Variants in IQCH observed in about 807,000 individuals in gnomAD.
IQCH encodes the protein IQ domain-containing protein H.
IQCH carries 98 observed loss-of-function variants against 117.0 expected under a neutral mutation model. The ratio of observed to expected loss-of-function variants is 0.84; its 90% CI spans 0.71 to 0.99. IQCH has a LOEUF of 0.99. Ranked by LOEUF, IQCH falls within the 50% of genes least tolerant of loss-of-function variation. IQCH has a pLI of 0.00. For synonymous variants in IQCH, 412 were observed against 448.2 expected (o/e 0.92, Z 1.02); for missense variants, 1,102 against 1,243.8 (o/e 0.89, Z 1.72).
At position 67,491,221 on chromosome 15, in the gene IQCH, A is replaced by G. The variant is rs1285938739; in HGVS notation, c.2861+1157A>G. Among the ~76,000 whole-genome samples the G allele has an allele frequency of 6.6e-6, 1 of 151,912 alleles. No individual in the cohort carries two copies. The highest frequency in any genetic ancestry group is 2.4e-5 in the African/African-American group (1 of 41,346). On this transcript the variant is annotated intron_variant, in intron 19 of 20. Coordinates refer to ENST00000335894, the MANE Select transcript of IQCH (RefSeq NM_001031715.3). This position sits in a 1 kb window ranked among gnomAD's most constrained non-coding sequence, Gnocchi z 4.9. Reference sequence around the variant, plus strand: ...TCCCCAACCTCCCCTACACCCTACTATGGTCAGTCTCCCGGAAACTGATCC... The same window carrying G: ...TCCCCAACCTCCCCTACACCCTACTGTGGTCAGTCTCCCGGAAACTGATCC...
chr15:67,478,370 G>A (rs2083258145), intron 18 of IQCH, among the ~76,000 whole-genome samples: 1 of 151,836 alleles, frequency 6.6e-6, no homozygotes, highest in Non-Finnish European at 1.5e-5. Context: ...GGGCCACAGA[G>A]CGAGACTCTG....
At chr15:67,341,104 C>G (rs990905084) in intron 5 of IQCH, among the ~76,000 whole-genome samples, 1 of 152,036 alleles carries the variant, frequency 6.6e-6, no homozygotes, top group African/African-American at 2.4e-5. Flanking sequence ...CCCAGCTACT[C>G]AGAAGGCTGA....
Position 67,430,748 on chromosome 15 carries a change from A to C in IQCH, c.2505+9171A>C, listed in dbSNP as rs914138057. On this transcript the variant is annotated intron_variant, in intron 16 of 20. Transcript: ENST00000335894. This position sits in a 1 kb window ranked among gnomAD's most constrained non-coding sequence, Gnocchi z 5.1. ...AAAAACAAGTGTTTATTGAGCATCT[A>C]TTATGTATAAGCCATAATGCTAGGT... 6.6e-6 allele frequency among the ~76,000 whole-genome samples: 1 copy of C among 152,230 alleles called. No individual in the cohort carries two copies. Among genetic ancestry groups the C allele is most frequent in the Non-Finnish European group, 1.5e-5 (1 of 68,042 alleles).
rs2082664052 is a variant in IQCH, at chr15:67,456,677, T to A, written c.2506-8450T>A. On this transcript the variant is annotated intron_variant, in intron 16 of 20. Coordinates refer to ENST00000335894, the MANE Select transcript of IQCH (RefSeq NM_001031715.3). This position sits in a 1 kb window ranked among gnomAD's most constrained non-coding sequence, Gnocchi z 5.1. ...CCGACATGTTCTATTTGGTTGATATTTTTAAAACATTGTTATTTTGCTGTT... is the reference window on the plus strand; with the variant it reads ...CCGACATGTTCTATTTGGTTGATATATTTAAAACATTGTTATTTTGCTGTT... Among the ~76,000 whole-genome samples, 1 of 152,218 alleles carries A rather than the reference T, an allele frequency of 6.6e-6. No homozygotes were observed. The highest frequency in any genetic ancestry group is 2.1e-4 in the South Asian group (1 of 4,828).
In IQCH at chr15:67,457,078, G is replaced by T. The variant is rs193249512; in HGVS notation, c.2506-8049G>T. The stretch of plus-strand genomic sequence containing the variant: ...ACTGCCCTGTACAGCGACAACTGCC[G>T]TTCTTCACTTCTCCAAGAGACTGGG... On this transcript the variant is annotated intron_variant, in intron 16 of 20. Transcript: ENST00000335894. This position sits in a 1 kb window ranked among gnomAD's most constrained non-coding sequence, Gnocchi z 5.7. Among the ~76,000 whole-genome samples the T allele has an allele frequency of 2.0e-5, 3 of 152,178 alleles. No individual in the cohort carries two copies. The highest frequency in any genetic ancestry group is 7.2e-5 in the African/African-American group (3 of 41,442).
At chr15:67,451,740 C>T (rs2082533615) in intron 16 of IQCH, among the ~76,000 whole-genome samples, 1 of 152,176 alleles carries the variant, frequency 6.6e-6, no homozygotes, top group South Asian at 2.1e-4. Context: ...TCTATTAGGT[C>T]TGCTTGGTGC....
chr15:67,484,578 A>C (rs2083424034), intron 18 of IQCH, among the ~76,000 whole-genome samples: 1 of 138,362 alleles, frequency 7.2e-6, no homozygotes, highest in African/African-American at 2.9e-5. Flanking sequence ...AAAATACAAA[A>C]AAAAAAAAAA....
rs1209383743 is a variant in IQCH, at chr15:67,463,299, G to T, written c.2506-1828G>T. ...ATTATGCTAATTACAGCATACTCCA[G>T]AAATACTTCATGTTTTCTCCACAAG... On this transcript the variant is annotated intron_variant, in intron 16 of 20. Transcript: ENST00000335894. This position sits in a 1 kb window ranked among gnomAD's most constrained non-coding sequence, Gnocchi z 4.0. Among the ~76,000 whole-genome samples the T allele has an allele frequency of 6.6e-6, 1 of 152,186 alleles. No individual in the cohort carries two copies. Among genetic ancestry groups the T allele is most frequent in the African/African-American group, 2.4e-5 (1 of 41,456 alleles).
At chr15:67,374,134 T>C (rs1352459050) in intron 10 of IQCH, 4 of 152,364 alleles carry the variant, frequency 2.6e-5, no homozygotes, top group African/African-American at 7.2e-5. Flanking sequence ...GAAATTTGCA[T>C]TGGAGTTTCT....
intron 16 of IQCH, among the ~76,000 whole-genome samples, chr15:67,455,145 T>C (rs921372427): frequency 2.0e-5 from 3 of 152,202 alleles, no homozygotes; most frequent in African/African-American, 4.8e-5. Flanking sequence ...AAGATTTTTT[T>C]CCCCTTGTGT....
At chr15:67,254,988 C>G in intron 1 of IQCH, 41 bp downstream of exon 1, 1 of 1,590,578 alleles carries the variant, frequency 6.3e-7, no homozygotes, top group Non-Finnish European at 8.6e-7. Flanking sequence ...TGCCCAGCCG[C>G]GCCACTTCCG....
At chr15:67,297,564 A>G (rs1467252561) in intron 4 of IQCH, among the ~76,000 whole-genome samples, 3 of 152,098 alleles carry the variant, frequency 2.0e-5, no homozygotes, top group African/African-American at 7.2e-5. Context: ...TTCTCTTGCA[A>G]ACATCCTTGT....
rs370108677 is a variant in IQCH at position 67,369,419 on chromosome 15, C to T, written c.754-2692C>T. ...TTGGCTAGAAGGAAAAAAAAATTGC[C>T]GTCAAGTCAGTAATATCATATTGGG... On this transcript the variant is annotated intron_variant, in intron 8 of 20. Coordinates refer to ENST00000335894, the MANE Select transcript of IQCH (RefSeq NM_001031715.3). The surrounding 1 kb of genome is among the most constrained non-coding windows in gnomAD (Gnocchi z 5.2). Among the ~76,000 whole-genome samples the T allele has an allele frequency of 5.3e-5, 8 of 150,848 alleles. No homozygotes were observed. The highest frequency in any genetic ancestry group is 1.9e-4 in the East Asian group (1 of 5,132).
chr15:67,289,155 G>C (rs1044899375), intron 4 of IQCH, among the ~76,000 whole-genome samples: 2 of 152,120 alleles, frequency 1.3e-5, no homozygotes, highest in African/African-American at 4.8e-5. Context: ...AGCTTGCTAA[G>C]ATTCTATAAT....
At chr15:67,464,357 G>C (rs2082878953) in intron 16 of IQCH, among the ~76,000 whole-genome samples, 1 of 152,214 alleles carries the variant, frequency 6.6e-6, no homozygotes, top group South Asian at 2.1e-4. Context: ...CATAGTAGAT[G>C]CTCAGTAAAT....
intron 4 of IQCH, among the ~76,000 whole-genome samples, chr15:67,292,777 ATC>A (rs1249627902): frequency 2.0e-5 from 3 of 152,202 alleles, no homozygotes; most frequent in Admixed American, 6.5e-5. Context: ...CAATATCTTT[ATC>A]TCACCTAATA....
intron 7 of IQCH, among the ~76,000 whole-genome samples, chr15:67,357,728 T>C (rs1029505865): frequency 1.3e-5 from 2 of 152,220 alleles, no homozygotes; most frequent in African/African-American, 4.8e-5. Flanking sequence ...TCCAAATTTG[T>C]ATGGTATAGG....
In IQCH at chr15:67,371,555, T is replaced by A. The variant is rs1439574722; in HGVS notation, c.754-556T>A. On this transcript the variant is annotated intron_variant, in intron 8 of 20. Transcript: ENST00000335894. ...AAAGGTGATAACATATAACATAATG[T>A]TCCTTGTAAAAATGACCTCTGGATA... 4 of 1,420,850 alleles carry A rather than the reference T, an allele frequency of 2.8e-6. No individual in the cohort carries two copies. In the Admixed American group the frequency reaches 7.3e-5, roughly 26 times the overall value. The allele number at this position is 1,420,850 out of a possible 1,614,324, so 88.0% of individuals were successfully genotyped here.
At chr15:67,412,136 G>A (rs2140896072) in intron 14 of IQCH, among the ~76,000 whole-genome samples, 1 of 152,312 alleles carries the variant, frequency 6.6e-6, no homozygotes, top group South Asian at 2.1e-4. Flanking sequence ...TGCATTCCCA[G>A]AGCCAGTGCA....
Sources: gnomAD v4.1 joint callset for allele counts (sites outside exome capture counted in the v4.1 genomes callset) on GRCh38, gnomAD v4.1.1 for gene constraint, Gnocchi (gnomAD v3.1) non-coding constraint, MANE v1.5 for transcripts, NCBI Gene and HGNC (gene_info 2026-07-23, HGNC 2026-07-21) for gene names.